Variants in BRAF observed in about 807,000 individuals in gnomAD.
BRAF encodes the protein B-Raf proto-oncogene, serine/threonine kinase.
In BRAF, 16 loss-of-function variants were observed where a neutral mutation model predicts 104.6. That is an observed-to-expected ratio of 0.15 (90% confidence interval 0.10 to 0.23). The LOEUF (loss-of-function observed/expected upper bound fraction) is 0.23, where lower values mean the gene tolerates loss of function less well. BRAF is among the 10% of genes least tolerant of loss of function. The pLI is 1.00. For synonymous variants in BRAF, 310 were observed against 341.6 expected (o/e 0.91, Z 1.02); for missense variants, 541 against 937.3 (o/e 0.58, Z 5.52).
At position 140,893,439 on chromosome 7, in the gene BRAF, C is replaced by T. The variant is rs138774993; in HGVS notation, c.138+31127G>A. Among the ~76,000 whole-genome samples the T allele has an allele frequency of 3.0e-3, 454 of 152,036 alleles. 2 individuals carry two copies. Among genetic ancestry groups the T allele is most frequent in the African/African-American group, 9.4e-3 (388 of 41,458 alleles). ...TAATTTTTTGTATTTTCAGTGGAGACGGGGTTTCACCATGTTAGCCAGGAT... is the reference window on the plus strand; with the variant it reads ...TAATTTTTTGTATTTTCAGTGGAGATGGGGTTTCACCATGTTAGCCAGGAT... On this transcript the variant is annotated intron_variant, in intron 1 of 19. Transcript: ENST00000644969.
chr7:140,913,476 T>A lies in BRAF; in HGVS notation c.138+11090A>T, dbSNP rs1022982928. Among the ~76,000 whole-genome samples the A allele has an allele frequency of 3.2e-5, 4 of 126,244 alleles. 1 individual carries two copies. The Admixed American group carries it at 3.3e-4, about 10-fold the overall frequency. 82.8% of individuals were successfully genotyped at this position (126,244 alleles called of 152,430 possible). A position where few individuals can be genotyped will look rare whatever the true frequency, so the allele number is the denominator to read the frequency against. ...AGCAAATGTTAATCACAGCTTTTTT[T>A]TTTTTTTTTTTTTTTTTTTTTTTGT... On this transcript the variant is annotated intron_variant, in intron 1 of 19. Transcript: ENST00000644969.
chr7:140,814,790 A>G (rs1804670861), intron 3 of BRAF, among the ~76,000 whole-genome samples: 1 of 142,740 alleles, frequency 7.0e-6, no homozygotes, highest in Non-Finnish European at 1.5e-5. Flanking sequence ...TATTATATAT[A>G]ACATATATAT....
At chr7:140,884,427 ATATGTGTGTGTGTGTGTGTGTG>A (rs1265410751) in intron 1 of BRAF, among the ~76,000 whole-genome samples, 7 of 114,578 alleles carry the variant, frequency 6.1e-5, no homozygotes, top group African/African-American at 9.7e-5. Context: ...TATATATAAG[ATATGTGTGTGTGTGTGTGTGTG>A]TGTGTGTGTG....
At chr7:140,870,995 A>G (rs1228933056) in intron 1 of BRAF, among the ~76,000 whole-genome samples, 1 of 151,976 alleles carries the variant, frequency 6.6e-6, no homozygotes, top group East Asian at 1.9e-4. Context: ...TGGGAGGCTG[A>G]GGCGGGCAGA....
At chr7:140,781,804 C>A in intron 11 of BRAF, 111 bp from the exon 11 acceptor site, 1 of 855,934 alleles carries the variant, frequency 1.2e-6, no homozygotes, top group East Asian at 2.5e-5. Context: ...AAGAGATCCC[C>A]TTAAGAAAAA....
At chr7:140,904,984 A>T (rs905534906) in intron 1 of BRAF, among the ~76,000 whole-genome samples, 2 of 152,206 alleles carry the variant, frequency 1.3e-5, no homozygotes, top group Non-Finnish European at 2.9e-5. Flanking sequence ...AGAGATCTTT[A>T]ATGAAAATGG....
At chr7:140,762,862 G>A (rs1368216852) in intron 14 of BRAF, among the ~76,000 whole-genome samples, 13 of 152,154 alleles carry the variant, frequency 8.5e-5, no homozygotes, top group African/African-American at 1.9e-4. Context: ...ATCTTGCACC[G>A]CCCTTAATCC....
At chr7:140,716,877 G>C (rs1795139763), downstream of BRAF, among the ~76,000 whole-genome samples, 1 of 152,184 alleles carries the variant, frequency 6.6e-6, no homozygotes, top group Non-Finnish European at 1.5e-5. Context: ...TTATAGAAGA[G>C]GTTGACCCTG....
chr7:140,723,073 G>T lies in BRAF; in HGVS notation c.*3421C>A. 9.5e-7 allele frequency: 1 copy of T among 1,051,490 alleles called. No homozygotes were observed. Among genetic ancestry groups the T allele is most frequent in the African/African-American group, 1.7e-5 (1 of 60,344 alleles). 65.1% of individuals were successfully genotyped at this position (1,051,490 alleles called of 1,614,324 possible). On this transcript the variant is annotated 3_prime_UTR_variant, in exon 20 of 20. Coordinates refer to ENST00000644969, the MANE Select transcript of BRAF (RefSeq NM_001374258.1). ...AAATAACTATTCATTACCTCATTCT[G>T]AAGAGGTAGTTTTTTGTAGAGGTCA...
chr7:140,811,087 T>C (rs186180815), intron 3 of BRAF, among the ~76,000 whole-genome samples: 28 of 152,330 alleles, frequency 1.8e-4, no homozygotes, highest in Admixed American at 3.3e-4. Context: ...TATAGTAATG[T>C]CAGCCGTGAG....
intron 1 of BRAF, among the ~76,000 whole-genome samples, chr7:140,902,485 C>G (rs1015222858): frequency 1.2e-4 from 18 of 152,186 alleles, no homozygotes; most frequent in African/African-American, 7.2e-5. Context: ...TCACATGTCT[C>G]TCTCTTGAAA....
chr7:140,787,233 G>T (rs931995758), intron 9 of BRAF, among the ~76,000 whole-genome samples: 1 of 149,870 alleles, frequency 6.7e-6, no homozygotes, highest in Admixed American at 6.7e-5. Flanking sequence ...CCCGGGAGGC[G>T]GAGCTTGCAG....
At chr7:140,801,908 A>G (rs760939786) in intron 5 of BRAF, among the ~76,000 whole-genome samples, 1 of 152,232 alleles carries the variant, frequency 6.6e-6, no homozygotes, top group Non-Finnish European at 1.5e-5. Flanking sequence ...TTTAATTATC[A>G]TACAAAGAAG....
At chr7:140,829,200 G>GT (rs1806424934) in intron 3 of BRAF, among the ~76,000 whole-genome samples, 29 of 43,414 alleles carry the variant, frequency 6.7e-4, no homozygotes, top group South Asian at 2.1e-3. Flanking sequence ...TTTTTTTTGT[G>GT]GGGGGGGGCA....
At chr7:140,779,694 A>C (rs950286482) in intron 12 of BRAF, 4 of 152,336 alleles carry the variant, frequency 2.6e-5, no homozygotes, top group African/African-American at 9.6e-5. Flanking sequence ...GCACTTTGGA[A>C]GGCCAAGGTG....
In BRAF at chr7:140,770,674, G is replaced by A. The variant is rs1325177362; in HGVS notation, c.1814+6238C>T. Among the ~76,000 whole-genome samples the A allele has an allele frequency of 3.3e-5, 5 of 151,970 alleles. 1 individual carries two copies. Among genetic ancestry groups the A allele is most frequent in the Admixed American group, 1.3e-4 (2 of 15,262 alleles). ...AAACAGGCCAGGTGCAGTGACTCAC[G>A]CCTGTAATCCCAGCACTTTGGGAGG... On this transcript the variant is annotated intron_variant, in intron 14 of 19. Transcript: ENST00000644969.
In BRAF at chr7:140,725,948, CTGAACACGCACCACATAG is replaced by C. The variant is rs1795576234; in HGVS notation, c.*528_*545del. On this transcript the variant is annotated 3_prime_UTR_variant, in exon 20 of 20. Coordinates refer to ENST00000644969, the MANE Select transcript of BRAF (RefSeq NM_001374258.1). ...TCCTTTTGATAAAATCTGTCAAGGC[CTGAACACGCACCACATAG>C]AAAGGGCAAGCTGCATTTTTGTTCC... 9.4e-7 allele frequency: 1 copy of C among 1,064,582 alleles called. No homozygotes were observed. The highest frequency in any genetic ancestry group is 1.6e-5 in the African/African-American group (1 of 60,992). The allele number at this position is 1,064,582 out of a possible 1,614,324, so 65.9% of individuals were successfully genotyped here. A position where few individuals can be genotyped will look rare whatever the true frequency, so the allele number is the denominator to read the frequency against.
intron 1 of BRAF, among the ~76,000 whole-genome samples, chr7:140,908,059 A>C (rs1461855654): frequency 2.6e-5 from 4 of 152,158 alleles, no homozygotes; most frequent in African/African-American, 9.7e-5. Flanking sequence ...GTCACTTTAT[A>C]AGAGTCTTTT....
intron 8 of BRAF, 109 bp downstream of exon 8, chr7:140,794,199 T>G: frequency 7.6e-7 from 1 of 1,313,634 alleles, no homozygotes; most frequent in Non-Finnish European, 1.1e-6. Context: ...TTAAAATAAC[T>G]GTGATAAATG....
Sources: gnomAD v4.1 joint callset for allele counts (sites outside exome capture counted in the v4.1 genomes callset) on GRCh38, gnomAD v4.1.1 for gene constraint, MANE v1.5 for transcripts, NCBI Gene and HGNC (gene_info 2026-07-23, HGNC 2026-07-21) for gene names.